NHSL1: variants seen among roughly 807,000 people sequenced by gnomAD.
NHSL1 encodes the protein NHS like 1, also known as NHS-like protein 1.
A neutral mutation model predicts 95.0 loss-of-function variants in NHSL1; 48 were observed. The ratio of observed to expected loss-of-function variants is 0.51; its 90% CI spans 0.40 to 0.64. NHSL1 has a LOEUF of 0.64. Among genes scored for constraint, NHSL1 ranks in the 30% least tolerant of loss-of-function variants. The pLI is 0.00. For synonymous variants in NHSL1, 783 were observed against 833.9 expected, an observed-to-expected ratio of 0.94 and a Z score of 1.05; for missense variants, 1,971 against 2,077.7, an observed-to-expected ratio of 0.95 and a Z score of 1.00.
chr6:138,428,851 T>G lies in NHSL1; in HGVS notation c.4085+860A>C, dbSNP rs140629610. On this transcript the variant is annotated intron_variant, in intron 7 of 7. Transcript: ENST00000343505. ...TAAGGCCTTGGCAGCATAAGGACAT[T>G]CATTAGAGTTACCTGGAAATACCGT... is the stretch of plus-strand genomic sequence containing the variant. Among the ~76,000 whole-genome samples the G allele has an allele frequency of 5.7e-4, 87 of 152,288 alleles. No homozygotes were observed. In the East Asian group the frequency reaches 0.017, roughly 29 times the overall value.
At chr6:138,599,839 C>T (rs1784349120) in intron 1 of NHSL1, among the ~76,000 whole-genome samples, 1 of 152,038 alleles carries the variant, frequency 6.6e-6, no homozygotes, top group South Asian at 2.1e-4. Context: ...GAATGAAGTA[C>T]CTTTAAAATG....
chr6:138,675,146 C>T (rs1785432367), intron 1 of NHSL1, among the ~76,000 whole-genome samples: 3 of 152,106 alleles, frequency 2.0e-5, no homozygotes, highest in African/African-American at 7.2e-5. Flanking sequence ...TTACAGTCAC[C>T]AATTGCCTGA....
intron 2 of NHSL1, among the ~76,000 whole-genome samples, chr6:138,492,216 G>A (rs1416131990): frequency 6.6e-6 from 1 of 152,208 alleles, no homozygotes; most frequent in African/African-American, 2.4e-5. Context: ...TCTCTCATGT[G>A]GGGATGGGAG....
At chr6:138,625,970 T>G (rs1784732637) in intron 1 of NHSL1, among the ~76,000 whole-genome samples, 1 of 152,222 alleles carries the variant, frequency 6.6e-6, no homozygotes, top group Non-Finnish European at 1.5e-5. Context: ...GAAAGTTGTT[T>G]CCTTATCTTA....
intron 5 of NHSL1, among the ~76,000 whole-genome samples, chr6:138,438,600 T>C (rs1266911539): frequency 1.3e-5 from 2 of 152,152 alleles, no homozygotes; most frequent in African/African-American, 4.8e-5. Flanking sequence ...TCAAACTTGA[T>C]GGGATTTATC....
intron 3 of NHSL1, among the ~76,000 whole-genome samples, chr6:138,462,133 A>G (rs1370005552): frequency 6.6e-6 from 1 of 152,194 alleles, no homozygotes; most frequent in Non-Finnish European, 1.5e-5. Context: ...GAAGAGTCTG[A>G]GTCTGTTTTC....
rs138552539 is a variant in NHSL1 at position 138,562,963 on chromosome 6, T to C, written c.202+8747A>G. 5.0e-3 allele frequency among the ~76,000 whole-genome samples: 768 copies of C among 152,336 alleles called. 9 individuals carry two copies. The highest frequency in any genetic ancestry group is 0.018 in the African/African-American group (728 of 41,592). On this transcript the variant is annotated intron_variant, in intron 1 of 6. Coordinates refer to the NHSL1 transcript ENST00000427025. ...CTTCAAGTCTAGGAGAAGTATGAAGTGCATACTCAAATATTCTCAAAGCAG... is the reference window on the plus strand; with the variant it reads ...CTTCAAGTCTAGGAGAAGTATGAAGCGCATACTCAAATATTCTCAAAGCAG...
chr6:138,560,275 T>C (rs1783362442), intron 1 of NHSL1, among the ~76,000 whole-genome samples: 1 of 152,220 alleles, frequency 6.6e-6, no homozygotes, highest in Non-Finnish European at 1.5e-5. Context: ...AGAGTGGCGA[T>C]GTAACCAAGG....
At position 138,510,164 on chromosome 6, in the gene NHSL1, T is replaced by C. The variant is rs150503993; in HGVS notation, c.17-13793A>G. Among the ~76,000 whole-genome samples, 11 of 152,354 alleles carry C rather than the reference T, an allele frequency of 7.2e-5. No homozygotes were observed. The East Asian group carries it at 9.6e-4, about 13-fold the overall frequency. ...CCATGAAACAATCGCTGTGAACTTG[T>C]GTTCTGAAGATTAACTGGCTGTTCA... On this transcript the variant is annotated intron_variant, in intron 1 of 4. Transcript: ENST00000342260.
chr6:138,640,850 A>C (rs1784950744), intron 1 of NHSL1, among the ~76,000 whole-genome samples: 1 of 152,110 alleles, frequency 6.6e-6, no homozygotes, highest in Admixed American at 6.6e-5. Context: ...TTCAATCTTG[A>C]ATCCATTCAA....
At chr6:138,560,929 T>A (rs139814908) in intron 1 of NHSL1, among the ~76,000 whole-genome samples, 1 of 152,254 alleles carries the variant, frequency 6.6e-6, no homozygotes, top group Non-Finnish European at 1.5e-5. Flanking sequence ...CTTATTCTCA[T>A]GTTCTCTAGT....
At chr6:138,448,753 C>A (rs1292304711) in intron 3 of NHSL1, among the ~76,000 whole-genome samples, 1 of 152,104 alleles carries the variant, frequency 6.6e-6, no homozygotes, top group Admixed American at 6.5e-5. Context: ...TAAAGAAATG[C>A]ATTGATTAGA....
intron 1 of NHSL1, among the ~76,000 whole-genome samples, chr6:138,690,543 C>A (rs1049277421): frequency 6.6e-6 from 1 of 152,010 alleles, no homozygotes; most frequent in East Asian, 1.9e-4. Flanking sequence ...GAGTTAAAGA[C>A]CAGCCTGACA....
At position 138,683,383 on chromosome 6, in the gene NHSL1, C is replaced by T. The variant is rs141678003; in HGVS notation, c.96+9093G>A. ...ATCTGTGGCGATACAGGGACACAGA[C>T]GCACACACATGCTAACTCAGCCTTC... On this transcript the variant is annotated intron_variant, in intron 1 of 3. Transcript: ENST00000491526. Among the ~76,000 whole-genome samples the T allele has an allele frequency of 2.0e-4, 30 of 152,316 alleles. No individual in the cohort carries two copies. In the East Asian group the frequency reaches 3.3e-3, roughly 17 times the overall value.
intron 5 of NHSL1, among the ~76,000 whole-genome samples, chr6:138,434,951 C>T (rs1775978450): frequency 6.6e-6 from 1 of 152,222 alleles, no homozygotes; most frequent in Admixed American, 6.5e-5. Flanking sequence ...ATAAAGCCTT[C>T]TCCTTCACTG....
At chr6:138,618,381 C>A (rs1784609573) in intron 1 of NHSL1, among the ~76,000 whole-genome samples, 1 of 152,158 alleles carries the variant, frequency 6.6e-6, no homozygotes, top group Non-Finnish European at 1.5e-5. Context: ...GTTTTGAATT[C>A]CCGAGAAGAT....
intron 1 of NHSL1, among the ~76,000 whole-genome samples, chr6:138,664,018 C>T (rs1322171058): frequency 1.3e-5 from 2 of 152,204 alleles, no homozygotes; most frequent in Non-Finnish European, 2.9e-5. Flanking sequence ...CTGGCTTTAT[C>T]TAGCCATCAC....
At chr6:138,600,758 T>G (rs1029059256) in intron 1 of NHSL1, among the ~76,000 whole-genome samples, 34 of 152,308 alleles carry the variant, frequency 2.2e-4, no homozygotes, top group African/African-American at 7.7e-4. Context: ...CTGGCAATTA[T>G]AGGGATCAAA....
intron 1 of NHSL1, among the ~76,000 whole-genome samples, chr6:138,598,196 C>A (rs9495148): frequency 0.15 from 23,318 of 151,880 alleles, 3,285 homozygotes; most frequent in African/African-American, 0.38. Context: ...TGGTGGCTCA[C>A]GCCTGTAATC....
Sources: allele counts gnomAD v4.1 joint callset (sites outside exome capture counted in the v4.1 genomes callset), GRCh38; gene constraint gnomAD v4.1.1; transcripts MANE v1.5; gene names NCBI Gene and HGNC (gene_info 2026-07-23, HGNC 2026-07-21).